FAM171A1: variants seen among roughly 807,000 people sequenced by gnomAD.
FAM171A1 encodes the protein family with sequence similarity 171 member A1.
In FAM171A1, 23 loss-of-function variants were observed where a neutral mutation model predicts 74.9. That is an observed-to-expected ratio of 0.31 (90% confidence interval 0.22 to 0.44). The LOEUF (loss-of-function observed/expected upper bound fraction) is 0.44. FAM171A1 is among the 20% of genes least tolerant of loss of function. FAM171A1 has a pLI of 1.00. For synonymous variants in FAM171A1, 527 were observed against 505.7 expected (o/e 1.04, Z -0.57); for missense variants, 1,162 against 1,159.2 (o/e 1.00, Z -0.03).
intron 3 of FAM171A1, among the ~76,000 whole-genome samples, chr10:15,264,712 G>A (rs1834715566): frequency 6.6e-6 from 1 of 152,074 alleles, no homozygotes; most frequent in South Asian, 2.1e-4. Flanking sequence ...GAGCTGGGGA[G>A]GCAGAGGGTG....
At position 15,284,052 on chromosome 10, in the gene FAM171A1, C is replaced by T; in HGVS notation, c.151G>A (p.Asp51Asn). 2 of 1,611,296 alleles carry T rather than the reference C, an allele frequency of 1.2e-6. No homozygotes were observed. Among genetic ancestry groups the T allele is most frequent in the Non-Finnish European group, 1.7e-6 (2 of 1,179,030 alleles). ...TTGGTGAAGATCTCGATGAGCGCAT[C>T]TGCTACGGGCTGGTGGGTGCTGGCG... ...SDASTHQPVADALIEIFTNQA... is the reference protein window; with the variant it reads ...SDASTHQPVANALIEIFTNQA... The change falls in exon 2 of 8, where the codon GAT becomes AAT. Residue 51 changes from aspartate (D) to asparagine (N), a missense_variant. Asp to Asn is a conservative substitution (Grantham distance 23, BLOSUM62 1). Transcript: ENST00000378116.
At chr10:15,304,893 C>A (rs1425103250) in intron 1 of FAM171A1, among the ~76,000 whole-genome samples, 2 of 152,182 alleles carry the variant, frequency 1.3e-5, no homozygotes, top group South Asian at 2.1e-4. Flanking sequence ...TGCGCCACCA[C>A]GTCTGGCTAA....
At chr10:15,306,067 G>A (rs769821323) in intron 1 of FAM171A1, among the ~76,000 whole-genome samples, 3 of 152,208 alleles carry the variant, frequency 2.0e-5, no homozygotes, top group African/African-American at 7.2e-5. Flanking sequence ...CATGATCCAT[G>A]GATAACATGA....
intron 5 of FAM171A1, 113 bp downstream of exon 5, chr10:15,248,526 A>G (rs1272176113): frequency 8.8e-7 from 1 of 1,137,294 alleles, no homozygotes; most frequent in Non-Finnish European, 1.2e-6. Flanking sequence ...CAATGTGAGC[A>G]GCAGCATTCA....
chr10:15,225,028 T>C (rs1237284658), intron 5 of FAM171A1, among the ~76,000 whole-genome samples: 1 of 152,164 alleles, frequency 6.6e-6, no homozygotes, highest in African/African-American at 2.4e-5. Flanking sequence ...GACACATGGG[T>C]CTTCCGTGTC....
intron 3 of FAM171A1, among the ~76,000 whole-genome samples, chr10:15,263,867 CTA>C (rs1226329453): frequency 8.5e-5 from 12 of 141,730 alleles, no homozygotes; most frequent in Non-Finnish European, 1.7e-4. Flanking sequence ...ATCTATCTAT[CTA>C]TCTATCTATC....
rs1220830135 is a variant in FAM171A1 at position 15,371,134 on chromosome 10, C to T, written c.-82G>A. On this transcript the variant is annotated 5_prime_UTR_variant, in exon 1 of 8. Coordinates refer to ENST00000378116, the MANE Select transcript of FAM171A1 (RefSeq NM_001010924.2). Reference sequence around the variant, plus strand: ...GCGTCACGGGCGGCCGGGCGCCGCGCCCCCCTCCATGTCGCTGGCTCCGCG... The same window carrying T: ...GCGTCACGGGCGGCCGGGCGCCGCGTCCCCCTCCATGTCGCTGGCTCCGCG... 5.6e-6 allele frequency: 3 copies of T among 537,788 alleles called. No homozygotes were observed. Among genetic ancestry groups the T allele is most frequent in the Non-Finnish European group, 7.1e-6 (3 of 423,704 alleles). The allele number at this position is 537,788 out of a possible 1,614,324, so 33.3% of individuals were successfully genotyped here. A position where few individuals can be genotyped will look rare whatever the true frequency, so the allele number is the denominator to read the frequency against.
chr10:15,334,371 T>C (rs1835676665), intron 1 of FAM171A1, among the ~76,000 whole-genome samples: 1 of 152,166 alleles, frequency 6.6e-6, no homozygotes. Flanking sequence ...AATCAGGAGA[T>C]CTGAGGGTAA....
chr10:15,370,534 C>G (rs1173066130), intron 1 of FAM171A1, among the ~76,000 whole-genome samples: 1 of 152,046 alleles, frequency 6.6e-6, no homozygotes, highest in African/African-American at 2.4e-5. Flanking sequence ...TTCCCAGACC[C>G]GAGCCCGGCG....
At chr10:15,269,254 C>T (rs1834790307) in intron 3 of FAM171A1, among the ~76,000 whole-genome samples, 1 of 152,030 alleles carries the variant, frequency 6.6e-6, no homozygotes, top group Admixed American at 6.6e-5. Flanking sequence ...GCTGGGACTA[C>T]AGGCGTGCAG....
intron 5 of FAM171A1, among the ~76,000 whole-genome samples, chr10:15,246,978 T>C (rs1398860434): frequency 1.3e-5 from 2 of 152,260 alleles, no homozygotes; most frequent in Non-Finnish European, 2.9e-5. Flanking sequence ...TCTGGAAATA[T>C]GTTTTAAAAG....
intron 1 of FAM171A1, among the ~76,000 whole-genome samples, chr10:15,338,293 G>A (rs1835727071): frequency 6.6e-6 from 1 of 152,094 alleles, no homozygotes; most frequent in Non-Finnish European, 1.5e-5. Context: ...GAAGAGTTGA[G>A]AAAAGTCACT....
In FAM171A1 at chr10:15,313,736, C is replaced by T. The variant is rs191322869; in HGVS notation, c.98-29631G>A. Among the ~76,000 whole-genome samples, 331 of 152,280 alleles carry T rather than the reference C, an allele frequency of 2.2e-3. 2 individuals are homozygous for T. Among genetic ancestry groups the T allele is most frequent in the African/African-American group, 7.4e-3 (308 of 41,572 alleles). ...GAGGGTGAAGGAAAACAGCTTCCCA[C>T]GGTGAATAATGCCATTCACGGTTCA... On this transcript the variant is annotated intron_variant, in intron 1 of 7. Transcript: ENST00000378116.
chr10:15,367,338 G>A (rs2131895243), intron 1 of FAM171A1, among the ~76,000 whole-genome samples: 1 of 152,308 alleles, frequency 6.6e-6, no homozygotes, highest in Admixed American at 6.5e-5. Flanking sequence ...AAGTTACAAA[G>A]TATTATAGAC....
chr10:15,301,040 T>C (rs1344962527), intron 1 of FAM171A1, among the ~76,000 whole-genome samples: 1 of 152,098 alleles, frequency 6.6e-6, no homozygotes, highest in African/African-American at 2.4e-5. Context: ...CTGTGGAAAA[T>C]TCCCAAGGAC....
At chr10:15,229,516 T>A in intron 5 of FAM171A1, among the ~76,000 whole-genome samples, 1 of 139,478 alleles carries the variant, frequency 7.2e-6, no homozygotes, top group African/African-American at 2.8e-5. Flanking sequence ...ATCATCACCA[T>A]TGTCACCCCC....
At chr10:15,258,628 T>G (rs1280000346) in intron 3 of FAM171A1, among the ~76,000 whole-genome samples, 1 of 152,208 alleles carries the variant, frequency 6.6e-6, no homozygotes, top group Non-Finnish European at 1.5e-5. Context: ...CCACAATGCA[T>G]GCTGCCCTTG....
intron 1 of FAM171A1, among the ~76,000 whole-genome samples, chr10:15,289,944 A>T (rs1399131236): frequency 6.6e-6 from 1 of 152,168 alleles, no homozygotes; most frequent in Non-Finnish European, 1.5e-5. Flanking sequence ...CCCTTTAGAG[A>T]AAAAGGAAGG....
intron 1 of FAM171A1, among the ~76,000 whole-genome samples, chr10:15,351,363 G>A (rs1199556854): frequency 6.6e-6 from 1 of 152,118 alleles, no homozygotes; most frequent in Non-Finnish European, 1.5e-5. Flanking sequence ...TCGCGTGTGG[G>A]ATGAACACCT....
Sources: gnomAD v4.1 joint callset for allele counts (sites outside exome capture counted in the v4.1 genomes callset) on GRCh38, gnomAD v4.1.1 for gene constraint, MANE v1.5 for transcripts, NCBI Gene and HGNC (gene_info 2026-07-23, HGNC 2026-07-21) for gene names.